KIF3C: variants seen among roughly 807,000 people sequenced by gnomAD.
The protein encoded by KIF3C is kinesin-like protein KIF3C.
KIF3C carries 12 observed loss-of-function variants against 67.7 expected under a neutral mutation model. The ratio of observed to expected loss-of-function variants is 0.18; its 90% CI spans 0.11 to 0.29. KIF3C has a LOEUF of 0.29. KIF3C is among the 10% of genes least tolerant of loss of function. KIF3C has a pLI of 1.00. For missense variants in KIF3C, 789 were observed against 1,059.6 expected, an observed-to-expected ratio of 0.74 and a Z score of 3.55; for synonymous variants, 393 against 426.2, an observed-to-expected ratio of 0.92 and a Z score of 0.96.
At chr2:25,979,066 C>G (rs1045428340) in intron 1 of KIF3C, among the ~76,000 whole-genome samples, 1 of 152,102 alleles carries the variant, frequency 6.6e-6, no homozygotes, top group East Asian at 1.9e-4. Context: ...GTAGGCTGGG[C>G]CCCCCTGCTC....
chr2:25,980,244 G>A lies in KIF3C; in HGVS notation c.1545+129C>T. 8.0e-6 allele frequency: 6 copies of A among 751,870 alleles called. No individual in the cohort carries two copies. The South Asian group carries it at 9.3e-5, about 12-fold the overall frequency. 46.6% of individuals were successfully genotyped at this position (751,870 alleles called of 1,614,324 possible). On this transcript the variant is annotated intron_variant, in intron 1 of 7. Transcript: ENST00000264712. This position sits in a 1 kb window ranked among gnomAD's most constrained non-coding sequence, Gnocchi z 7.6. ...GGCTGCTCTGGGGGCACATTTGGCA[G>A]GAGGGCAGTGTGCGGTGCTGAGGGA... is the stretch of plus-strand genomic sequence containing the variant.
intron 5 of KIF3C, among the ~76,000 whole-genome samples, chr2:25,934,787 CAG>C (rs1663036728): frequency 6.6e-6 from 1 of 152,044 alleles, no homozygotes; most frequent in Admixed American, 6.6e-5. Flanking sequence ...AGGCCAGCCT[CAG>C]AGACTCATGC....
chr2:25,930,766 C>T (rs186907482), intron 5 of KIF3C, among the ~76,000 whole-genome samples: 52 of 151,856 alleles, frequency 3.4e-4, no homozygotes, highest in Middle Eastern at 3.4e-3. Context: ...CTCGAACTCC[C>T]GACCTCAGGT....
intron 5 of KIF3C, among the ~76,000 whole-genome samples, chr2:25,937,987 G>A (rs762955786): frequency 2.0e-5 from 3 of 152,010 alleles, no homozygotes; most frequent in Admixed American, 6.6e-5. Flanking sequence ...CCTGGGAGGC[G>A]GAGGTTGAGT....
In KIF3C at chr2:25,930,076, G is replaced by A. The variant is rs762158483; in HGVS notation, c.2007-13C>T. 2.9e-5 allele frequency: 47 copies of A among 1,600,678 alleles called. No homozygotes were observed. The East Asian group carries it at 8.7e-4, about 30-fold the overall frequency. ...CTGGCTGCTACTGCTGTAGGAAAGAGGCTATATTAGAAAGGATTTCTGTGG... is the reference window on the plus strand; with the variant it reads ...CTGGCTGCTACTGCTGTAGGAAAGAAGCTATATTAGAAAGGATTTCTGTGG... On this transcript the variant is annotated splice_polypyrimidine_tract_variant and intron_variant, in intron 5 of 7. Transcript: ENST00000264712.
chr2:25,929,263 C>T (rs1467439740), intron 7 of KIF3C, 42 bp downstream of exon 7: 2 of 1,593,984 alleles, frequency 1.3e-6, no homozygotes, highest in East Asian at 4.5e-5. Context: ...AGTTCCCCTG[C>T]CTCCTGGGTC....
rs903163345 is a variant in KIF3C, at chr2:25,980,126, A to C, written c.1545+247T>G. On this transcript the variant is annotated intron_variant, in intron 1 of 7. Transcript: ENST00000264712. This position sits in a 1 kb window ranked among gnomAD's most constrained non-coding sequence, Gnocchi z 7.6. ...GCCCACAGCAGGTCAGACCACCCCAAGCTCACTGGCTTGAGAGACCGCCTG... is the reference window on the plus strand; with the variant it reads ...GCCCACAGCAGGTCAGACCACCCCACGCTCACTGGCTTGAGAGACCGCCTG... Among the ~76,000 whole-genome samples the C allele has an allele frequency of 6.6e-5, 10 of 152,130 alleles. No homozygotes were observed. The highest frequency in any genetic ancestry group is 2.4e-4 in the African/African-American group (10 of 41,432).
chr2:25,976,855 C>T (rs1664430243), intron 1 of KIF3C, among the ~76,000 whole-genome samples: 1 of 152,198 alleles, frequency 6.6e-6, no homozygotes, highest in African/African-American at 2.4e-5. Context: ...AACCAATCTA[C>T]GTGTGTTCAC....
intron 5 of KIF3C, among the ~76,000 whole-genome samples, chr2:25,931,113 A>G (rs1031778362): frequency 2.6e-5 from 4 of 152,182 alleles, no homozygotes; most frequent in Non-Finnish European, 5.9e-5. Flanking sequence ...CTCATAGCAT[A>G]TATAGGGTTT....
chr2:25,932,957 C>G (rs1021995996), intron 5 of KIF3C, among the ~76,000 whole-genome samples: 2 of 151,762 alleles, frequency 1.3e-5, no homozygotes, highest in Admixed American at 1.3e-4. Context: ...TGAAATAGAA[C>G]TGAAACTCCA....
At chr2:25,952,900 G>T (rs1174093443) in intron 4 of KIF3C, among the ~76,000 whole-genome samples, 1 of 152,048 alleles carries the variant, frequency 6.6e-6, no homozygotes, top group Non-Finnish European at 1.5e-5. Flanking sequence ...ATTGTAACTT[G>T]AAGGATAAAT....
At chr2:25,934,358 C>T (rs1332299335) in intron 5 of KIF3C, among the ~76,000 whole-genome samples, 1 of 151,994 alleles carries the variant, frequency 6.6e-6, no homozygotes, top group Non-Finnish European at 1.5e-5. Context: ...GTGGGCAGAT[C>T]ACTTGAGGTC....
rs541385315 is a variant in KIF3C at position 25,963,940 on chromosome 2, C to T, written c.1546-7496G>A. 5.9e-5 allele frequency among the ~76,000 whole-genome samples: 9 copies of T among 152,180 alleles called. No homozygotes were observed. In the South Asian group the frequency reaches 1.9e-3, roughly 32 times the overall value. On this transcript the variant is annotated intron_variant, in intron 1 of 7. Coordinates refer to ENST00000264712, the MANE Select transcript of KIF3C (RefSeq NM_002254.8). ...ACTGCTGACCTTGTGATCCGCCCACCTCAGCATCCCAAAGTGCTGGGATTA... is the reference window on the plus strand; with the variant it reads ...ACTGCTGACCTTGTGATCCGCCCACTTCAGCATCCCAAAGTGCTGGGATTA...
intron 1 of KIF3C, among the ~76,000 whole-genome samples, chr2:25,975,767 G>C (rs1315848742): frequency 6.6e-6 from 1 of 152,058 alleles, no homozygotes; most frequent in African/African-American, 2.4e-5. Flanking sequence ...GACCATCTTG[G>C]CTAACGTGGT....
At position 25,954,303 on chromosome 2, in the gene KIF3C, T is replaced by G; in HGVS notation, c.1853A>C (p.Glu618Ala). The G allele has an allele frequency of 6.2e-7, 1 of 1,614,068 alleles. No individual in the cohort carries two copies. The highest frequency in any genetic ancestry group is 1.1e-5 in the South Asian group (1 of 91,080). The part of the protein sequence containing the change: ...EYIRVRQDLE[E>A]AQNEQTRELK... ...TTCGCGGGTCTGCTCGTTCTGCGCCTCCTCCAGGTCCTGCCGCACGCGGAT... is the reference window on the plus strand; with the variant it reads ...TTCGCGGGTCTGCTCGTTCTGCGCCGCCTCCAGGTCCTGCCGCACGCGGAT... Residue 618 changes from glutamate to alanine, a missense_variant, in exon 4 of 8, where the codon GAG becomes GCG. Physicochemically the swap from Glu to Ala is moderately radical, Grantham distance 107 (BLOSUM62 -1). Around this residue, in one of 2 missense-constraint regions of KIF3C, gnomAD observed 648 missense variants for 807.8 expected, o/e 0.80. Coordinates refer to ENST00000264712, the MANE Select transcript of KIF3C (RefSeq NM_002254.8).
rs746866042 is a variant in KIF3C, at chr2:25,951,883, T to C, written c.1912A>G (p.Ile638Val). 3.1e-6 allele frequency: 5 copies of C among 1,613,676 alleles called. No homozygotes were observed. Among genetic ancestry groups the C allele is most frequent in the Non-Finnish European group, 4.2e-6 (5 of 1,179,698 alleles). ...ATCTTGTTCTTCTCCTCCGGCGGGA[T>C]GAAGTTCTCGATGATTAGGTACCTG... is the stretch of plus-strand genomic sequence containing the variant. ...KLKYLIIENF[I>V]PPEEKNKIMN... The change falls in exon 5 of 8, where the codon ATC becomes GTC. Residue 638 changes from isoleucine to valine, a missense_variant. Coordinates refer to ENST00000264712, the MANE Select transcript of KIF3C (RefSeq NM_002254.8).
chr2:25,972,021 C>T (rs1664299429), intron 1 of KIF3C, among the ~76,000 whole-genome samples: 2 of 151,750 alleles, frequency 1.3e-5, no homozygotes, highest in Non-Finnish European at 2.9e-5. Flanking sequence ...GCCACTGCAC[C>T]TGGGGAAGCA....
intron 5 of KIF3C, among the ~76,000 whole-genome samples, chr2:25,930,560 G>C (rs1312055134): frequency 6.6e-6 from 1 of 151,734 alleles, no homozygotes; most frequent in East Asian, 1.9e-4. Context: ...TTTTTGAGAC[G>C]AAGTTTTGCT....
At chr2:25,931,035 C>T (rs1391485632) in intron 5 of KIF3C, among the ~76,000 whole-genome samples, 1 of 151,930 alleles carries the variant, frequency 6.6e-6, no homozygotes, top group East Asian at 1.9e-4. Flanking sequence ...TCTCATGTAC[C>T]CCACAAACAT....
Sources: allele counts gnomAD v4.1 joint callset (sites outside exome capture counted in the v4.1 genomes callset), GRCh38; gene constraint gnomAD v4.1.1; regional missense constraint gnomAD v4.1.1; non-coding constraint Gnocchi (gnomAD v3.1); transcripts MANE v1.5; gene names NCBI Gene and HGNC (gene_info 2026-07-23, HGNC 2026-07-21).